Variants in KCNK1 observed in about 807,000 individuals in gnomAD.
The protein encoded by KCNK1 is potassium channel subfamily K member 1.
In KCNK1, 10 loss-of-function variants were observed where a neutral mutation model predicts 22.2. The ratio of observed to expected loss-of-function variants is 0.45; its 90% CI spans 0.28 to 0.76. KCNK1 has a LOEUF of 0.76. KCNK1 is among the 30% of genes least tolerant of loss of function. The probability of loss-of-function intolerance (pLI) is 0.14; values close to 1 mark genes in which losing one functional copy is unlikely to be tolerated. For missense variants in KCNK1, 378 were observed against 421.0 expected (o/e 0.90, Z 0.89); for synonymous variants, 200 against 186.4 (o/e 1.07, Z -0.60).
intron 1 of KCNK1, among the ~76,000 whole-genome samples, chr1:233,615,277 G>A (rs1165434): frequency 0.027 from 4,103 of 152,348 alleles, 77 homozygotes; most frequent in Non-Finnish European, 0.038. Flanking sequence ...TTCAACTTGA[G>A]GTGTGCGAGG....
intron 1 of KCNK1, among the ~76,000 whole-genome samples, chr1:233,633,829 T>C (rs1657848542): frequency 6.6e-6 from 1 of 152,176 alleles, no homozygotes; most frequent in Non-Finnish European, 1.5e-5. Context: ...TGGTAGGTGT[T>C]AGGGGAAAAC....
Position 233,614,239 on chromosome 1 carries a change from T to TCGG in KCNK1, c.70_72dup (p.Gly24dup). 1 of 1,612,374 alleles carries TCGG rather than the reference T, an allele frequency of 6.2e-7. No individual in the cohort carries two copies. The highest frequency in any genetic ancestry group is 8.5e-7 in the Non-Finnish European group (1 of 1,179,900). On this transcript the variant is annotated inframe_insertion, in exon 1 of 3. Coordinates refer to ENST00000366621, the MANE Select transcript of KCNK1 (RefSeq NM_002245.4). ...GAGCGGCACCGCTCGGCCTGGTGCT[T>TCGG]CGGCTTCCTGGTGCTGGGCTACTTG...
At chr1:233,634,393 C>T (rs1425609393) in intron 1 of KCNK1, among the ~76,000 whole-genome samples, 1 of 151,938 alleles carries the variant, frequency 6.6e-6, no homozygotes, top group Non-Finnish European at 1.5e-5. Context: ...TCACAAACTT[C>T]ACTTCTCTTG....
chr1:233,670,045 A>G (rs1317742677), intron 2 of KCNK1, among the ~76,000 whole-genome samples: 10 of 152,152 alleles, frequency 6.6e-5, no homozygotes, highest in Non-Finnish European at 1.5e-5. Flanking sequence ...CAAATGTTTT[A>G]CCACTGGGAC....
rs1657445093 is a variant in KCNK1 at position 233,614,422 on chromosome 1, A to C, written c.251A>C (p.Glu84Ala). Residue 84 changes from glutamate to alanine, a missense_variant, in exon 1 of 3, where the codon GAG (glutamate) becomes GCG (alanine). Transcript: ENST00000366621. ...QLEQFLGRVL[E>A]ASNYGVSVLS... ...GAGCAGTTCCTGGGCCGGGTGCTGG[A>C]GGCCAGCAACTACGGCGTGTCGGTG... 6.2e-7 allele frequency: 1 copy of C among 1,613,056 alleles called. No homozygotes were observed. The highest frequency in any genetic ancestry group is 8.5e-7 in the Non-Finnish European group (1 of 1,179,686).
chr1:233,645,848 C>T (rs1026644042), intron 1 of KCNK1, among the ~76,000 whole-genome samples: 1 of 152,012 alleles, frequency 6.6e-6, no homozygotes, highest in Non-Finnish European at 1.5e-5. Flanking sequence ...GAGAAGTGCT[C>T]TATTTAGAAC....
chr1:233,658,245 T>G (rs1216500962), intron 1 of KCNK1, among the ~76,000 whole-genome samples: 1 of 152,212 alleles, frequency 6.6e-6, no homozygotes, highest in Non-Finnish European at 1.5e-5. Context: ...TAGAGTTGGA[T>G]ATCATTCATT....
chr1:233,631,077 A>G (rs1657782120), intron 1 of KCNK1, among the ~76,000 whole-genome samples: 1 of 152,238 alleles, frequency 6.6e-6, no homozygotes, highest in African/African-American at 2.4e-5. Context: ...GAGCCCTATA[A>G]TAATGTCACC....
At chr1:233,637,750 AC>A (rs1212510664) in intron 1 of KCNK1, among the ~76,000 whole-genome samples, 1 of 152,032 alleles carries the variant, frequency 6.6e-6, no homozygotes, top group East Asian at 1.9e-4. Flanking sequence ...CGTTTTGGGA[AC>A]CTCAGGATTG....
intron 1 of KCNK1, among the ~76,000 whole-genome samples, chr1:233,651,828 C>T (rs972104945): frequency 6.6e-5 from 10 of 152,188 alleles, no homozygotes; most frequent in African/African-American, 2.4e-4. Flanking sequence ...CGCCAGGACA[C>T]GTTGATGGCA....
At chr1:233,669,095 T>A (rs1658551500) in intron 2 of KCNK1, among the ~76,000 whole-genome samples, 1 of 152,188 alleles carries the variant, frequency 6.6e-6, no homozygotes, top group Non-Finnish European at 1.5e-5. Context: ...CCTGGGGTGG[T>A]GATGGCCAGT....
rs1658456219 is a variant in KCNK1 at position 233,664,528 on chromosome 1, TTAACC to T, written c.356-2066_356-2062del. Among the ~76,000 whole-genome samples the T allele has an allele frequency of 2.0e-5, 3 of 152,320 alleles. No individual in the cohort carries two copies. The South Asian group carries it at 6.2e-4, about 32-fold the overall frequency. On this transcript the variant is annotated intron_variant, in intron 1 of 2. Transcript: ENST00000366621. ...CCAACACTCAGAACAAGAGTAGTTC[TTAACC>T]ATTTGAGGACGCGTACCCCTTGAGA... is the stretch of plus-strand genomic sequence containing the variant.
At chr1:233,648,316 T>C (rs926838637) in intron 1 of KCNK1, among the ~76,000 whole-genome samples, 2 of 152,212 alleles carry the variant, frequency 1.3e-5, no homozygotes, top group African/African-American at 2.4e-5. Flanking sequence ...ATTATGGTTA[T>C]TTTCGAACAT....
chr1:233,619,341 A>G (rs1272259534), intron 1 of KCNK1, among the ~76,000 whole-genome samples: 2 of 151,966 alleles, frequency 1.3e-5, no homozygotes, highest in African/African-American at 4.8e-5. Flanking sequence ...GCCATTGGTA[A>G]CCCTGGTGCC....
intron 1 of KCNK1, among the ~76,000 whole-genome samples, chr1:233,640,044 C>T (rs192759335): frequency 6.6e-6 from 1 of 152,150 alleles, no homozygotes. Context: ...GCTTTCCATC[C>T]GAAGAGAGGT....
chr1:233,631,761 C>T (rs1657802010), intron 1 of KCNK1, among the ~76,000 whole-genome samples: 1 of 152,222 alleles, frequency 6.6e-6, no homozygotes, highest in African/African-American at 2.4e-5. Context: ...TGTTTTCACA[C>T]ATTAGCCTTG....
intron 1 of KCNK1, among the ~76,000 whole-genome samples, chr1:233,650,603 T>A (rs186591948): frequency 3.3e-4 from 51 of 152,250 alleles, no homozygotes; most frequent in African/African-American, 1.2e-3. Context: ...GTACTAAATG[T>A]TTTACATGGA....
At chr1:233,621,731 T>G (rs701205) in intron 1 of KCNK1, among the ~76,000 whole-genome samples, 17,124 of 143,868 alleles carry the variant, frequency 0.12, 1,038 homozygotes, top group Admixed American at 0.15. Flanking sequence ...AGGTTTGGGG[T>G]TTTTTTTTAA....
intron 1 of KCNK1, among the ~76,000 whole-genome samples, chr1:233,619,082 A>G (rs1406570120): frequency 6.6e-6 from 1 of 152,052 alleles, no homozygotes; most frequent in Non-Finnish European, 1.5e-5. Flanking sequence ...CAGTGACACT[A>G]TCGTGGGTCA....
Sources: allele counts gnomAD v4.1 joint callset (sites outside exome capture counted in the v4.1 genomes callset), GRCh38; gene constraint gnomAD v4.1.1; transcripts MANE v1.5; gene names NCBI Gene and HGNC (gene_info 2026-07-23, HGNC 2026-07-21).